Variants in ARHGEF9 observed in about 807,000 individuals in gnomAD.
ARHGEF9 encodes Cdc42 guanine nucleotide exchange factor 9.
In ARHGEF9, 2 loss-of-function variants were observed where a neutral mutation model predicts 41.3. The observed-to-expected ratio is 0.05, with a 90% confidence interval of 0.02 to 0.15. The LOEUF is 0.15. Ranked by LOEUF, ARHGEF9 falls within the 10% of genes least tolerant of loss-of-function variation. ARHGEF9 has a pLI of 1.00. For missense variants in ARHGEF9, 225 were observed against 424.7 expected, an observed-to-expected ratio of 0.53 and a Z score of 4.13; for synonymous variants, 160 against 154.4, an observed-to-expected ratio of 1.04 and a Z score of -0.27.
intron 1 of ARHGEF9, among the ~76,000 whole-genome samples, chrX:63,776,070 C>T (rs1177754783): frequency 9.0e-6 from 1 of 110,946 alleles, no homozygotes; most frequent in African/African-American, 3.3e-5. Flanking sequence ...ACACCTCAGC[C>T]CAGTACATTT....
intron 4 of ARHGEF9, among the ~76,000 whole-genome samples, chrX:63,685,226 A>C (rs1450647265): frequency 8.9e-6 from 1 of 111,782 alleles, no homozygotes; most frequent in Non-Finnish European, 1.9e-5. Flanking sequence ...GTACATCTTA[A>C]ATTTATACCT....
intron 1 of ARHGEF9, among the ~76,000 whole-genome samples, chrX:63,748,429 G>A (rs1227791827): frequency 8.9e-6 from 1 of 112,230 alleles, no homozygotes; most frequent in Non-Finnish European, 1.9e-5. Flanking sequence ...AGTGCTAGAA[G>A]GGACTGCTAA....
rs1177050307 is a variant in ARHGEF9, at chrX:63,637,228, C to A, written c.*800G>T. On this transcript the variant is annotated 3_prime_UTR_variant, in exon 10 of 10. Transcript: ENST00000671741. ...GAAACAGCCTGAATGCAAAATGTTC[C>A]CTGAACAGAAGTCCACTCCAGCATC... 2.0e-5 allele frequency: 6 copies of A among 295,848 alleles called. No individual in the cohort carries two copies. Among genetic ancestry groups the A allele is most frequent in the African/African-American group, 1.6e-4 (6 of 36,413 alleles). 24.4% of individuals were successfully genotyped at this position (295,848 alleles called of 1,213,427 possible).
At chrX:63,743,818 G>A (rs782006257) in intron 1 of ARHGEF9, among the ~76,000 whole-genome samples, 1 of 112,164 alleles carries the variant, frequency 8.9e-6, no homozygotes, top group Non-Finnish European at 1.9e-5. Flanking sequence ...TGCAGGAGAT[G>A]AGGAGAGACA....
At position 63,737,634 on chromosome X, in the gene ARHGEF9, C is replaced by G. The variant is rs143900383; in HGVS notation, c.31-12923G>C. 2.9e-3 allele frequency among the ~76,000 whole-genome samples: 324 copies of G among 112,447 alleles called. 1 individual carries two copies. The highest frequency in any genetic ancestry group is 0.01 in the African/African-American group (316 of 30,992). ...TGCCTTTTCCACCCAGTTCAGACCACTGGGTTCAAGCCACCCAAAGTAGTG... is the reference window on the plus strand; with the variant it reads ...TGCCTTTTCCACCCAGTTCAGACCAGTGGGTTCAAGCCACCCAAAGTAGTG... On this transcript the variant is annotated intron_variant, in intron 1 of 9. Transcript: ENST00000671741.
Position 63,655,566 on chromosome X carries a change from G to C in ARHGEF9, c.1249C>G (p.Leu417Val). 1 of 1,210,953 alleles carries C rather than the reference G, an allele frequency of 8.3e-7. No homozygotes were observed. Among genetic ancestry groups the C allele is most frequent in the Non-Finnish European group, 1.1e-6 (1 of 895,188 alleles). The part of the protein sequence containing the change: ...EEIHLFFAKK[L>V]EEKIRWLRAF... ...CTGAGCCAGCGTATTTTTTCCTCCA[G>C]CTTCTTGGCAAAGAACAGATGTATC... is the stretch of plus-strand genomic sequence containing the variant. Residue 417 changes from leucine (L) to valine (V), a missense_variant, in exon 8 of 10, where the codon CTG (leucine) becomes GTG (valine). Leu to Val is a conservative substitution (Grantham distance 32). Around this residue, in one of 3 missense-constraint regions of ARHGEF9, gnomAD observed 75 missense variants for 113.2 expected, o/e 0.66. Coordinates refer to ENST00000671741, the MANE Select transcript of ARHGEF9 (RefSeq NM_001353921.2).
chrX:63,723,580 A>G (rs1556415031), intron 2 of ARHGEF9, among the ~76,000 whole-genome samples: 1 of 112,141 alleles, frequency 8.9e-6, no homozygotes, highest in Non-Finnish European at 1.9e-5. Context: ...CAGTTTTCGC[A>G]TGTTTTATCT....
chrX:63,779,927 T>C (rs782023257), intron 1 of ARHGEF9, among the ~76,000 whole-genome samples: 1 of 112,147 alleles, frequency 8.9e-6, no homozygotes, highest in South Asian at 3.7e-4. Flanking sequence ...CTAGTTTATA[T>C]AACTGCATTT....
chrX:63,701,249 G>A (rs1225687383), intron 3 of ARHGEF9, among the ~76,000 whole-genome samples: 1 of 110,767 alleles, frequency 9.0e-6, no homozygotes, highest in Non-Finnish European at 1.9e-5. Context: ...TTTAGGGAAG[G>A]GCCCTCACAA....
chrX:63,648,289 C>T (rs1556319428), intron 8 of ARHGEF9, among the ~76,000 whole-genome samples: 2 of 111,137 alleles, frequency 1.8e-5, no homozygotes, highest in Admixed American at 9.6e-5. Flanking sequence ...GAGTGGGGGT[C>T]AATATTGAAC....
At chrX:63,644,231 T>C (rs2047842325) in intron 8 of ARHGEF9, 183 bp from the exon 9 acceptor site, 3 of 373,462 alleles carry the variant, frequency 8.0e-6, no homozygotes, top group South Asian at 1.1e-4. Context: ...AGGAAATTTG[T>C]CACAAACTTG....
At chrX:63,647,714 A>C (rs1197106974) in intron 8 of ARHGEF9, among the ~76,000 whole-genome samples, 3 of 111,115 alleles carry the variant, frequency 2.7e-5, no homozygotes, top group Non-Finnish European at 5.7e-5. Context: ...TGTCTCTGCC[A>C]GGCTTTGGTA....
At chrX:63,686,743 T>C (rs2051009319) in intron 4 of ARHGEF9, among the ~76,000 whole-genome samples, 1 of 110,859 alleles carries the variant, frequency 9.0e-6, no homozygotes, top group Non-Finnish European at 1.9e-5. Flanking sequence ...CAAAAAGAAC[T>C]AGCCACTGCC....
intron 6 of ARHGEF9, 36 bp from the exon 7 acceptor site, chrX:63,666,053 C>A (rs200939341): frequency 8.3e-7 from 1 of 1,205,388 alleles, no homozygotes; most frequent in East Asian, 3.0e-5. Flanking sequence ...GGCAGCCAGG[C>A]AGAAGGATGG....
At chrX:63,740,993 G>A (rs2054918606) in intron 1 of ARHGEF9, among the ~76,000 whole-genome samples, 1 of 112,464 alleles carries the variant, frequency 8.9e-6, no homozygotes, top group African/African-American at 3.2e-5. Context: ...GGGATCTCCC[G>A]CTTATGCATC....
intron 1 of ARHGEF9, among the ~76,000 whole-genome samples, chrX:63,761,599 A>G (rs1481198464): frequency 9.0e-6 from 1 of 111,418 alleles, no homozygotes; most frequent in Non-Finnish European, 1.9e-5. Context: ...AAGGGCCTTC[A>G]TTAGTAAGTA....
At chrX:63,700,618 A>T (rs1413134620) in intron 3 of ARHGEF9, among the ~76,000 whole-genome samples, 26 of 111,996 alleles carry the variant, frequency 2.3e-4, no homozygotes, top group Admixed American at 8.5e-4. Context: ...AGCAGAATTA[A>T]ATTTTGAGTC....
chrX:63,659,649 C>T (rs1479592984), intron 7 of ARHGEF9, among the ~76,000 whole-genome samples: 2 of 111,428 alleles, frequency 1.8e-5, no homozygotes, highest in African/African-American at 6.5e-5. Context: ...CTCTCCAGAT[C>T]CTAGGGAAGG....
chrX:63,711,315 C>T (rs2052916871), intron 2 of ARHGEF9, among the ~76,000 whole-genome samples: 3 of 111,334 alleles, frequency 2.7e-5, no homozygotes, highest in Non-Finnish European at 5.7e-5. Context: ...TACTAAAACT[C>T]GTATGGAATT....
Sources: allele counts gnomAD v4.1 joint callset (sites outside exome capture counted in the v4.1 genomes callset), GRCh38; gene constraint gnomAD v4.1.1; regional missense constraint gnomAD v4.1.1; transcripts MANE v1.5; gene names NCBI Gene and HGNC (gene_info 2026-07-23, HGNC 2026-07-21).